The following ADAMTSL1 variants were observed in gnomAD, a reference collection of about 807,000 sequenced individuals.
The protein encoded by ADAMTSL1 is ADAMTS like 1, also known as ADAMTS-like protein 1.
A neutral mutation model predicts 201.8 loss-of-function variants in ADAMTSL1; 126 were observed. The ratio of observed to expected loss-of-function variants is 0.62; its 90% confidence interval spans 0.54 to 0.72. The LOEUF (loss-of-function observed/expected upper bound fraction) is 0.72. Among genes scored for constraint, ADAMTSL1 ranks in the 30% least tolerant of loss-of-function variants. The probability of loss-of-function intolerance (pLI) is 0.00; values close to 1 mark genes in which losing one functional copy is unlikely to be tolerated. For synonymous variants in ADAMTSL1, 1,121 were observed against 903.4 expected, an observed-to-expected ratio of 1.24 and a Z score of -4.32; for missense variants, 2,679 against 2,277.8, an observed-to-expected ratio of 1.18 and a Z score of -3.59.
intron 9 of ADAMTSL1, among the ~76,000 whole-genome samples, chr9:18,664,384 G>A (rs1829302136): frequency 6.6e-6 from 1 of 150,666 alleles, no homozygotes; most frequent in Admixed American, 6.7e-5. Flanking sequence ...CCAGGAAGCT[G>A]TTTTCTCACT....
intron 1 of ADAMTSL1, among the ~76,000 whole-genome samples, chr9:18,066,531 A>G (rs1336434961): frequency 6.6e-6 from 1 of 152,264 alleles, no homozygotes; most frequent in Admixed American, 6.5e-5. Flanking sequence ...TTATTAGATG[A>G]CTAGCTCTTT....
intron 15 of ADAMTSL1, among the ~76,000 whole-genome samples, chr9:18,728,614 A>G (rs1263906259): frequency 6.6e-6 from 1 of 152,248 alleles, no homozygotes; most frequent in East Asian, 1.9e-4. Context: ...GAATAGGGCA[A>G]GCATGGAGTT....
chr9:18,033,126 T>C (rs1346126932), intron 1 of ADAMTSL1, among the ~76,000 whole-genome samples: 1 of 152,230 alleles, frequency 6.6e-6, no homozygotes, highest in Non-Finnish European at 1.5e-5. Flanking sequence ...TCTGACCTCA[T>C]AGCGTGTGAT....
At chr9:18,709,841 A>G (rs1273704025) in intron 14 of ADAMTSL1, among the ~76,000 whole-genome samples, 3 of 152,200 alleles carry the variant, frequency 2.0e-5, no homozygotes, top group Non-Finnish European at 4.4e-5. Context: ...AATACTTGAC[A>G]TTGACTTCAG....
At chr9:18,347,400 T>C (rs1031296913) in intron 2 of ADAMTSL1, among the ~76,000 whole-genome samples, 1 of 152,080 alleles carries the variant, frequency 6.6e-6, no homozygotes, top group Non-Finnish European at 1.5e-5. Context: ...GAATGACATA[T>C]TCAATTCTAA....
intron 23 of ADAMTSL1, among the ~76,000 whole-genome samples, chr9:18,874,354 G>T (rs1200469099): frequency 6.6e-6 from 1 of 152,136 alleles, no homozygotes; most frequent in Non-Finnish European, 1.5e-5. Flanking sequence ...AGCGGTAAAA[G>T]TGGGCATTCT....
chr9:18,156,090 C>T (rs752915552), intron 1 of ADAMTSL1, among the ~76,000 whole-genome samples: 16 of 151,976 alleles, frequency 1.1e-4, no homozygotes, highest in Admixed American at 3.3e-4. Context: ...TGAGCAGAAT[C>T]GATCCTCAGA....
chr9:18,842,792 A>G (rs199766249), intron 23 of ADAMTSL1, among the ~76,000 whole-genome samples: 3 of 152,190 alleles, frequency 2.0e-5, no homozygotes, highest in South Asian at 4.1e-4. Context: ...TTATGTAATG[A>G]CCTTCTTGGT....
chr9:18,832,523 G>T (rs1369950749), intron 23 of ADAMTSL1, among the ~76,000 whole-genome samples: 2 of 152,208 alleles, frequency 1.3e-5, no homozygotes, highest in Non-Finnish European at 2.9e-5. Context: ...CTGGTATTCT[G>T]TAGGAATAAT....
intron 1 of ADAMTSL1, among the ~76,000 whole-genome samples, chr9:17,993,671 G>A (rs1348565006): frequency 1.3e-5 from 2 of 152,122 alleles, no homozygotes; most frequent in East Asian, 3.9e-4. Context: ...TATTAATGAG[G>A]CTAAGTTGGG....
intron 13 of ADAMTSL1, among the ~76,000 whole-genome samples, chr9:18,704,702 T>C (rs895268238): frequency 1.3e-5 from 2 of 152,214 alleles, no homozygotes; most frequent in Admixed American, 6.5e-5. Context: ...TGGTTTTATG[T>C]TCCTAAAAAG....
rs143747081 is a variant in ADAMTSL1 at position 18,152,389 on chromosome 9, C to T, written c.88-11473C>T. Among the ~76,000 whole-genome samples, 18 of 152,060 alleles carry T rather than the reference C, an allele frequency of 1.2e-4. No individual in the cohort carries two copies. In the South Asian group the frequency reaches 1.5e-3, roughly 12 times the overall value. The stretch of plus-strand genomic sequence containing the variant: ...ATATGAATGCAGGAAATATAGAACA[C>T]GCCACATAAGAGCCATGGTTCCATG... On this transcript the variant is annotated intron_variant, in intron 1 of 29. Coordinates refer to the ADAMTSL1 transcript ENST00000680146.
intron 2 of ADAMTSL1, among the ~76,000 whole-genome samples, chr9:18,180,531 T>C (rs1234348680): frequency 3.6e-5 from 1 of 27,516 alleles, no homozygotes; most frequent in Non-Finnish European, 7.8e-5. Context: ...AGACTCCGTG[T>C]CAAAAAAAAA....
At chr9:18,090,620 A>G (rs1456117322) in intron 1 of ADAMTSL1, among the ~76,000 whole-genome samples, 1 of 152,124 alleles carries the variant, frequency 6.6e-6, no homozygotes, top group Non-Finnish European at 1.5e-5. Context: ...TTAGCATTTA[A>G]TAGGTACAGA....
Position 18,717,105 on chromosome 9 carries a change from G to A in ADAMTSL1, c.1877-4431G>A, listed in dbSNP as rs982108431. Among the ~76,000 whole-genome samples the A allele has an allele frequency of 4.0e-5, 6 of 148,928 alleles. No individual in the cohort carries two copies. In the East Asian group the frequency reaches 5.9e-4, roughly 15 times the overall value. On this transcript the variant is annotated intron_variant, in intron 14 of 28. Transcript: ENST00000380548. ...TGTGGTGGGGTGGGGGGACGGGGGAGGGATAGCATTGGGAGATATACCTAA... is the reference window on the plus strand; with the variant it reads ...TGTGGTGGGGTGGGGGGACGGGGGAAGGATAGCATTGGGAGATATACCTAA...
chr9:18,009,738 G>A (rs1278195048), intron 1 of ADAMTSL1, among the ~76,000 whole-genome samples: 4 of 151,962 alleles, frequency 2.6e-5, no homozygotes, highest in Non-Finnish European at 5.9e-5. Context: ...GGAATTTAGT[G>A]GTAGTGTGTA....
At chr9:17,992,391 T>G (rs569906191) in intron 1 of ADAMTSL1, among the ~76,000 whole-genome samples, 161 of 152,318 alleles carry the variant, frequency 1.1e-3, no homozygotes, top group African/African-American at 3.2e-3. Flanking sequence ...TGGTTAACTT[T>G]AGCTATCTCT....
At chr9:18,180,010 A>C (rs1264247017) in intron 2 of ADAMTSL1, among the ~76,000 whole-genome samples, 1 of 152,164 alleles carries the variant, frequency 6.6e-6, no homozygotes, top group African/African-American at 2.4e-5. Flanking sequence ...GACAGGATCA[A>C]ATTCACACAT....
chr9:18,847,484 T>A (rs1019816667), intron 23 of ADAMTSL1, among the ~76,000 whole-genome samples: 7 of 152,024 alleles, frequency 4.6e-5, no homozygotes, highest in Admixed American at 4.6e-4. Context: ...CATCATATGG[T>A]AGAAGTAATA....
Sources: gnomAD v4.1 joint callset for allele counts (sites outside exome capture counted in the v4.1 genomes callset) on GRCh38, gnomAD v4.1.1 for gene constraint, MANE v1.5 for transcripts, NCBI Gene and HGNC (gene_info 2026-07-23, HGNC 2026-07-21) for gene names.